Variants in NRG3 observed in about 807,000 individuals in gnomAD.
The protein encoded by NRG3 is pro-neuregulin-3, membrane-bound isoform.
NRG3 carries 31 observed loss-of-function variants against 66.9 expected under a neutral mutation model. The ratio of observed to expected loss-of-function variants is 0.46; its 90% CI spans 0.35 to 0.63. NRG3 has a LOEUF of 0.63. NRG3 is among the 20% of genes least tolerant of loss of function. NRG3 has a pLI of 0.00. For synonymous variants in NRG3, 393 were observed against 359.4 expected (o/e 1.09, Z -1.06); for missense variants, 910 against 878.9 (o/e 1.04, Z -0.45).
At chr10:82,605,831 G>C (rs568819399) in intron 2 of NRG3, among the ~76,000 whole-genome samples, 83 of 152,004 alleles carry the variant, frequency 5.5e-4, no homozygotes, top group African/African-American at 2.0e-3. Flanking sequence ...CCTTCTGTGA[G>C]TTTTGACATA....
intron 1 of NRG3, among the ~76,000 whole-genome samples, chr10:82,111,916 A>G (rs2067413563): frequency 6.6e-6 from 1 of 152,126 alleles, no homozygotes; most frequent in African/African-American, 2.4e-5. Context: ...TAATCCAATA[A>G]TATGAGGTTG....
At chr10:82,806,937 C>G (rs1485686534) in intron 3 of NRG3, among the ~76,000 whole-genome samples, 1 of 152,190 alleles carries the variant, frequency 6.6e-6, no homozygotes, top group Non-Finnish European at 1.5e-5. Flanking sequence ...CACATCTACT[C>G]ATTGTCTACA....
intron 8 of NRG3, among the ~76,000 whole-genome samples, chr10:82,983,444 A>G (rs879385179): frequency 1.3e-5 from 2 of 152,182 alleles, no homozygotes; most frequent in Non-Finnish European, 2.9e-5. Context: ...TGCAGTTTGT[A>G]TGAATAAAGA....
intron 2 of NRG3, among the ~76,000 whole-genome samples, chr10:82,661,717 A>G (rs2052378400): frequency 1.3e-5 from 2 of 152,184 alleles, no homozygotes; most frequent in Admixed American, 1.3e-4. Flanking sequence ...GTATTTATGT[A>G]TTCATGATTA....
chr10:82,481,925 T>A (rs1842304698), intron 2 of NRG3, among the ~76,000 whole-genome samples: 1 of 152,080 alleles, frequency 6.6e-6, no homozygotes, highest in Admixed American at 6.6e-5. Flanking sequence ...AGGCAGAAGT[T>A]GCAGTGAGCT....
chr10:82,301,686 C>CTA (rs60882154), intron 1 of NRG3, among the ~76,000 whole-genome samples: 24,305 of 137,558 alleles, frequency 0.18, 2,151 homozygotes, highest in African/African-American at 0.22. Context: ...ACATATATTC[C>CTA]TATATATATA....
At chr10:82,392,595 T>C (rs907969203) in intron 2 of NRG3, among the ~76,000 whole-genome samples, 3 of 152,206 alleles carry the variant, frequency 2.0e-5, no homozygotes, top group African/African-American at 7.2e-5. Context: ...AACTCTTATT[T>C]CCTCAGGTCT....
At chr10:82,541,961 T>A (rs1481193389) in intron 2 of NRG3, among the ~76,000 whole-genome samples, 1 of 152,108 alleles carries the variant, frequency 6.6e-6, no homozygotes, top group Non-Finnish European at 1.5e-5. Flanking sequence ...AGCATGCAGG[T>A]TTGTTATATA....
chr10:82,668,668 C>A (rs1468558693), intron 2 of NRG3, among the ~76,000 whole-genome samples: 2 of 152,108 alleles, frequency 1.3e-5, no homozygotes, highest in Admixed American at 6.6e-5. Flanking sequence ...TGTGTAGAGA[C>A]TGAGAAGCGT....
chr10:82,027,246 A>G (rs1034098086), intron 1 of NRG3, among the ~76,000 whole-genome samples: 2 of 152,138 alleles, frequency 1.3e-5, no homozygotes, highest in African/African-American at 2.4e-5. Context: ...TAAGCAAAGT[A>G]TAAGTAAAGG....
intron 3 of NRG3, among the ~76,000 whole-genome samples, chr10:82,814,353 G>A (rs2061617785): frequency 6.6e-6 from 1 of 152,164 alleles, no homozygotes; most frequent in Admixed American, 6.5e-5. Context: ...GAGTAGAACA[G>A]GGTGTTTAGA....
intron 6 of NRG3, among the ~76,000 whole-genome samples, chr10:82,972,057 T>G (rs1287607328): frequency 6.6e-6 from 1 of 152,156 alleles, no homozygotes; most frequent in African/African-American, 2.4e-5. Context: ...TCCACAGTTT[T>G]TATCATCACT....
chr10:82,882,756 G>A (rs1842412248), intron 4 of NRG3, among the ~76,000 whole-genome samples: 1 of 152,128 alleles, frequency 6.6e-6, no homozygotes, highest in Non-Finnish European at 1.5e-5. Context: ...TGGCTAGTTT[G>A]TGTAGGACTT....
At chr10:82,491,906 A>G (rs1843181319) in intron 2 of NRG3, among the ~76,000 whole-genome samples, 1 of 152,214 alleles carries the variant, frequency 6.6e-6, no homozygotes, top group Admixed American at 6.5e-5. Context: ...AATAAAGGGA[A>G]TTTAAAATCT....
In NRG3 at chr10:81,889,164, C is replaced by T. The variant is rs555031720; in HGVS notation, c.823+13001C>T. ...GGAACTCTTGATTTCACTGCCTCAC[C>T]TAAATTAACCTCTTACTGTCTTTAG... On this transcript the variant is annotated intron_variant, in intron 1 of 8. Coordinates refer to ENST00000372141, the MANE Select transcript of NRG3 (RefSeq NM_001010848.4). The T allele has an allele frequency of 5.9e-5, 9 of 152,288 alleles. No individual in the cohort carries two copies. The East Asian group carries it at 1.5e-3, about 26-fold the overall frequency. The allele number at this position is 152,288 out of a possible 1,614,324, so 9.4% of individuals were successfully genotyped here.
chr10:82,291,028 G>A (rs2079713278), intron 1 of NRG3, among the ~76,000 whole-genome samples: 1 of 151,764 alleles, frequency 6.6e-6, no homozygotes, highest in Non-Finnish European at 1.5e-5. Flanking sequence ...ATAACACCTG[G>A]TTTCAATTGT....
chr10:82,169,653 ATCTT>A (rs2072403810), intron 1 of NRG3, among the ~76,000 whole-genome samples: 1 of 151,352 alleles, frequency 6.6e-6, no homozygotes, highest in African/African-American at 2.4e-5. Flanking sequence ...TATTTCACCT[ATCTT>A]TCTTATAATT....
intron 2 of NRG3, among the ~76,000 whole-genome samples, chr10:82,519,136 G>T (rs185409771): frequency 6.6e-6 from 1 of 152,180 alleles, no homozygotes; most frequent in Non-Finnish European, 1.5e-5. Context: ...TTACATGGCA[G>T]GTTCCTTTGT....
At chr10:82,316,545 G>T (rs549116871) in intron 1 of NRG3, among the ~76,000 whole-genome samples, 2 of 152,054 alleles carry the variant, frequency 1.3e-5, no homozygotes, top group South Asian at 4.1e-4. Context: ...TAAAATGAAG[G>T]GGTGGGACCA....
Sources: gnomAD v4.1 joint callset for allele counts (sites outside exome capture counted in the v4.1 genomes callset) on GRCh38, gnomAD v4.1.1 for gene constraint, MANE v1.5 for transcripts, NCBI Gene and HGNC (gene_info 2026-07-23, HGNC 2026-07-21) for gene names.